The following PHKB variants were observed in gnomAD, a reference collection of about 807,000 sequenced individuals.
PHKB encodes the protein phosphorylase b kinase regulatory subunit beta.
A neutral mutation model predicts 152.1 loss-of-function variants in PHKB; 122 were observed. The observed-to-expected ratio is 0.80, with a 90% CI of 0.69 to 0.93. PHKB has a LOEUF of 0.93. Among genes scored for constraint, PHKB ranks in the 40% least tolerant of loss-of-function variants. The pLI is 0.00. For missense variants in PHKB, 1,304 were observed against 1,328.4 expected (o/e 0.98, Z 0.29); for synonymous variants, 436 against 464.9 (o/e 0.94, Z 0.80).
In PHKB at chr16:47,649,217, C is replaced by T. The variant is rs369332476; in HGVS notation, c.1797+13C>T. 6 of 1,323,908 alleles carry T rather than the reference C, an allele frequency of 4.5e-6. No individual in the cohort carries two copies. The African/African-American group carries it at 5.8e-5, about 13-fold the overall frequency. The allele number at this position is 1,323,908 out of a possible 1,614,324, so 82.0% of individuals were successfully genotyped here. On this transcript the variant is annotated intron_variant, in intron 18 of 30. Coordinates refer to ENST00000323584, the MANE Select transcript of PHKB (RefSeq NM_000293.3). ...AGATGACATAAAGGTAGCTTCGGAA[C>T]ACCTTTCTTAAAAATGGAATGAGTT...
chr16:47,669,307 C>T lies in PHKB; in HGVS notation c.2520C>T (p.Asn840=). The change falls in exon 26 of 31, where the codon AAC becomes AAT. Residue 840 remains asparagine (N), a synonymous_variant. Coordinates refer to ENST00000323584, the MANE Select transcript of PHKB (RefSeq NM_000293.3). The part of the protein sequence containing the change: ...VIQNIIYYKC[N]THDEREAVIQ... Reference sequence around the variant, plus strand: ...AAAACATCATCTATTATAAGTGTAACACCCATGATGAGAGGGAAGCGGTCA... The same window carrying T: ...AAAACATCATCTATTATAAGTGTAATACCCATGATGAGAGGGAAGCGGTCA... 6.2e-7 allele frequency: 1 copy of T among 1,613,802 alleles called. No individual in the cohort carries two copies.
intron 7 of PHKB, among the ~76,000 whole-genome samples, chr16:47,557,788 AC>A (rs1351807597): frequency 6.6e-6 from 1 of 152,082 alleles, no homozygotes; most frequent in Admixed American, 6.5e-5. Flanking sequence ...TGTTGGTGAG[AC>A]TGTAAACTAG....
intron 1 of PHKB, among the ~76,000 whole-genome samples, chr16:47,466,720 G>A (rs1969675054): frequency 6.6e-6 from 1 of 151,674 alleles, no homozygotes; most frequent in South Asian, 2.1e-4. Flanking sequence ...GTATATTCTG[G>A]GCAAAACAAA....
chr16:47,657,718 G>A lies in PHKB; in HGVS notation c.1972-2788G>A, dbSNP rs565758363. On this transcript the variant is annotated intron_variant, in intron 20 of 30. Transcript: ENST00000323584. ...TTTATGGGCTGAATTAGAATATAAG[G>A]GTGAGTAGGCTAATAAAATGGAAAT... 9.2e-5 allele frequency among the ~76,000 whole-genome samples: 14 copies of A among 152,062 alleles called. No homozygotes were observed. The South Asian group carries it at 2.9e-3, about 32-fold the overall frequency.
rs776521213 is a variant in PHKB at position 47,669,428 on chromosome 16, TC to T, written c.2630+13del. The T allele has an allele frequency of 6.2e-7, 1 of 1,611,502 alleles. No individual in the cohort carries two copies. The highest frequency in any genetic ancestry group is 1.1e-5 in the South Asian group (1 of 91,026). ...GAAAATACGAATCGGGTGAGTGAAG[TC>T]CTTTGCATTTGCATAAAGAGAATTG... On this transcript the variant is annotated intron_variant, in intron 26 of 30. Transcript: ENST00000323584.
chr16:47,528,251 A>AT (rs1375999402), intron 6 of PHKB, among the ~76,000 whole-genome samples: 5 of 151,964 alleles, frequency 3.3e-5, no homozygotes, highest in South Asian at 2.1e-4. Flanking sequence ...AATAGCTAAG[A>AT]TTTTTTTTGC....
chr16:47,675,286 G>C (rs553951193), intron 26 of PHKB, among the ~76,000 whole-genome samples: 2 of 152,100 alleles, frequency 1.3e-5, no homozygotes, highest in Non-Finnish European at 2.9e-5. Flanking sequence ...GCCTGCTTTG[G>C]TGTCCTCGTT....
At chr16:47,471,554 A>G (rs1438757122) in intron 1 of PHKB, among the ~76,000 whole-genome samples, 2 of 152,146 alleles carry the variant, frequency 1.3e-5, no homozygotes, top group Non-Finnish European at 2.9e-5. Context: ...GGGCCACTCA[A>G]TCTATGTTTG....
chr16:47,699,399 A>G lies in PHKB; in HGVS notation c.*33A>G. On this transcript the variant is annotated 3_prime_UTR_variant, in exon 31 of 31. Transcript: ENST00000323584. ...GGTGTAGGAAGCTCTGTTGAGACAC[A>G]TGTTCTGAAGTGTGTTGTGTTTCAT... 1 of 1,612,222 alleles carries G rather than the reference A, an allele frequency of 6.2e-7. No homozygotes were observed. Among genetic ancestry groups the G allele is most frequent in the Non-Finnish European group, 8.5e-7 (1 of 1,178,232 alleles).
chr16:47,515,955 G>A lies in PHKB; in HGVS notation c.594+354G>A, dbSNP rs186588495. On this transcript the variant is annotated intron_variant, in intron 6 of 30. Transcript: ENST00000323584. ...TCTTTTTTTTTTTTTTTGAGATGGA[G>A]TCTTGCTCTGTCACGGGGCTGGAGT... 6.0e-5 allele frequency among the ~76,000 whole-genome samples: 9 copies of A among 149,376 alleles called. No individual in the cohort carries two copies. The East Asian group carries it at 1.6e-3, about 26-fold the overall frequency.
intron 12 of PHKB, 126 bp downstream of exon 12, chr16:47,594,340 A>C: frequency 4.5e-6 from 3 of 659,460 alleles, no homozygotes; most frequent in Non-Finnish European, 8.3e-6. Flanking sequence ...ATGATCCCTG[A>C]TATGAAATCA....
At chr16:47,656,124 C>T (rs1333242737) in intron 20 of PHKB, among the ~76,000 whole-genome samples, 1 of 151,942 alleles carries the variant, frequency 6.6e-6, no homozygotes, top group Non-Finnish European at 1.5e-5. Context: ...TCAAGCGATT[C>T]TCCTGCCTCA....
At chr16:47,589,453 T>C (rs1971990624) in intron 10 of PHKB, among the ~76,000 whole-genome samples, 1 of 152,246 alleles carries the variant, frequency 6.6e-6, no homozygotes, top group South Asian at 2.1e-4. Flanking sequence ...TTTTCAGTCC[T>C]ATGTTTGCCT....
chr16:47,546,733 G>C (rs980033919), intron 6 of PHKB, among the ~76,000 whole-genome samples: 1 of 152,144 alleles, frequency 6.6e-6, no homozygotes, highest in East Asian at 1.9e-4. Flanking sequence ...ACAGAAGCAG[G>C]GGTCCTCCTT....
chr16:47,515,106 G>A (rs1175340525), intron 5 of PHKB, among the ~76,000 whole-genome samples: 1 of 152,108 alleles, frequency 6.6e-6, no homozygotes, highest in Non-Finnish European at 1.5e-5. Context: ...AGATGGATTG[G>A]CATTTCATAC....
At chr16:47,604,808 T>G (rs1475905520) in intron 13 of PHKB, among the ~76,000 whole-genome samples, 1 of 152,244 alleles carries the variant, frequency 6.6e-6, no homozygotes, top group Non-Finnish European at 1.5e-5. Flanking sequence ...TAATTCCTAT[T>G]TTCTAAGGAT....
At chr16:47,633,468 C>T (rs1972862604) in intron 14 of PHKB, among the ~76,000 whole-genome samples, 1 of 152,104 alleles carries the variant, frequency 6.6e-6, no homozygotes, top group African/African-American at 2.4e-5. Flanking sequence ...GCTAAATAAC[C>T]CTTCCAAAGG....
chr16:47,660,493 G>A lies in PHKB; in HGVS notation c.1972-13G>A, dbSNP rs760525255. On this transcript the variant is annotated splice_polypyrimidine_tract_variant and intron_variant, in intron 20 of 30. Coordinates refer to ENST00000323584, the MANE Select transcript of PHKB (RefSeq NM_000293.3). The stretch of plus-strand genomic sequence containing the variant: ...TATCTAAGAGTTTCTAATCTTTTTC[G>A]ATCACGTTTCAGACACTAATATCTG... 21 of 1,608,900 alleles carry A rather than the reference G, an allele frequency of 1.3e-5. No homozygotes were observed. The highest frequency in any genetic ancestry group is 3.3e-5 in the Admixed American group (2 of 59,980).
At chr16:47,500,849 A>G (rs1970313630) in intron 3 of PHKB, among the ~76,000 whole-genome samples, 1 of 152,230 alleles carries the variant, frequency 6.6e-6, no homozygotes, top group Non-Finnish European at 1.5e-5. Flanking sequence ...TCTGAATATT[A>G]ATTTCCTGAA....
Sources: gnomAD v4.1 joint callset for allele counts (sites outside exome capture counted in the v4.1 genomes callset) on GRCh38, gnomAD v4.1.1 for gene constraint, MANE v1.5 for transcripts, NCBI Gene and HGNC (gene_info 2026-07-23, HGNC 2026-07-21) for gene names.